Variants in CNTN1 observed in about 807,000 individuals in gnomAD.
The protein encoded by CNTN1 is contactin 1.
In CNTN1, 38 loss-of-function variants were observed where a neutral mutation model predicts 126.4. The observed-to-expected ratio is 0.30, with a 90% CI of 0.23 to 0.39. The LOEUF is 0.39. Among genes scored for constraint, CNTN1 ranks in the 10% least tolerant of loss-of-function variants. The probability of loss-of-function intolerance (pLI) is 1.00; values close to 1 mark genes in which losing one functional copy is unlikely to be tolerated. For missense variants in CNTN1, 1,009 were observed against 1,248.4 expected, an observed-to-expected ratio of 0.81 and a Z score of 2.89; for synonymous variants, 413 against 422.6, an observed-to-expected ratio of 0.98 and a Z score of 0.28.
intron 1 of CNTN1, among the ~76,000 whole-genome samples, chr12:40,758,028 T>G (rs115415612): frequency 0.015 from 2,303 of 151,826 alleles, 50 homozygotes; most frequent in African/African-American, 0.054. Context: ...CTCCCCTTCT[T>G]TTCTCTTTAA....
At chr12:40,826,895 G>A (rs1362063593) in intron 1 of CNTN1, among the ~76,000 whole-genome samples, 1 of 152,158 alleles carries the variant, frequency 6.6e-6, no homozygotes, top group Non-Finnish European at 1.5e-5. Context: ...GTGAGAGAGT[G>A]TATAAAAAGA....
At chr12:40,965,465 T>C (rs1448790087) in intron 15 of CNTN1, among the ~76,000 whole-genome samples, 2 of 152,210 alleles carry the variant, frequency 1.3e-5, no homozygotes, top group Non-Finnish European at 2.9e-5. Flanking sequence ...CTTTTACTAA[T>C]TTTTACTAAA....
chr12:40,735,322 C>A (rs1208127312), intron 1 of CNTN1, among the ~76,000 whole-genome samples: 2 of 152,036 alleles, frequency 1.3e-5, no homozygotes, highest in Non-Finnish European at 2.9e-5. Flanking sequence ...GAAGATTCCT[C>A]AAAATACACA....
At chr12:40,962,706 A>G (rs546438399) in intron 15 of CNTN1, among the ~76,000 whole-genome samples, 29 of 152,170 alleles carry the variant, frequency 1.9e-4, no homozygotes, top group Non-Finnish European at 4.0e-4. Flanking sequence ...TAGCACTTTA[A>G]TTTATTTACC....
intron 7 of CNTN1, among the ~76,000 whole-genome samples, chr12:40,931,183 T>C (rs1013747312): frequency 1.3e-5 from 2 of 152,012 alleles, no homozygotes; most frequent in African/African-American, 4.8e-5. Flanking sequence ...TATTCTCTTG[T>C]ATTCAATGCA....
At chr12:40,801,308 G>A (rs931040855) in intron 1 of CNTN1, among the ~76,000 whole-genome samples, 2 of 151,910 alleles carry the variant, frequency 1.3e-5, no homozygotes, top group Admixed American at 1.3e-4. Context: ...ACATCTATGT[G>A]CCTATCACAG....
At chr12:40,852,130 C>T (rs1363388091) in intron 1 of CNTN1, among the ~76,000 whole-genome samples, 1 of 152,080 alleles carries the variant, frequency 6.6e-6, no homozygotes, top group East Asian at 1.9e-4. Context: ...TAAGTTTCAG[C>T]ATTCAGCAGA....
intron 16 of CNTN1, among the ~76,000 whole-genome samples, chr12:40,986,800 C>A (rs73116954): frequency 6.6e-6 from 1 of 152,106 alleles, no homozygotes; most frequent in Admixed American, 6.6e-5. Context: ...TTCTTGAGTA[C>A]ACATGATGAA....
intron 1 of CNTN1, among the ~76,000 whole-genome samples, chr12:40,800,646 CA>C (rs1328983007): frequency 6.6e-6 from 1 of 151,962 alleles, no homozygotes; most frequent in South Asian, 2.1e-4. Flanking sequence ...ACCCTGGAAA[CA>C]AAAAGTTAGA....
At chr12:41,002,167 T>G (rs1198528910) in intron 17 of CNTN1, among the ~76,000 whole-genome samples, 39 of 152,244 alleles carry the variant, frequency 2.6e-4, no homozygotes, top group Non-Finnish European at 1.5e-5. Context: ...TTTCTAGTTC[T>G]GTGAAGAATC....
chr12:40,706,224 G>A (rs956852289), intron 1 of CNTN1, among the ~76,000 whole-genome samples: 32 of 151,512 alleles, frequency 2.1e-4, no homozygotes, highest in African/African-American at 7.0e-4. Flanking sequence ...CCATTAACTC[G>A]TCATTTACAT....
At chr12:40,794,029 A>T (rs761685882) in intron 1 of CNTN1, among the ~76,000 whole-genome samples, 6 of 152,188 alleles carry the variant, frequency 3.9e-5, no homozygotes, top group Admixed American at 1.3e-4. Context: ...AGTGTTCCAC[A>T]ATTCAAGGTT....
At chr12:40,843,974 A>AT (rs1195707566) in intron 1 of CNTN1, among the ~76,000 whole-genome samples, 2 of 151,410 alleles carry the variant, frequency 1.3e-5, no homozygotes, top group South Asian at 4.2e-4. Flanking sequence ...ACATAGATAT[A>AT]TTTGGATGAG....
intron 9 of CNTN1, among the ~76,000 whole-genome samples, chr12:40,935,559 A>G (rs1417771021): frequency 6.6e-6 from 1 of 152,122 alleles, no homozygotes; most frequent in Non-Finnish European, 1.5e-5. Flanking sequence ...TCAATTATTC[A>G]TTACATGATG....
intron 1 of CNTN1, among the ~76,000 whole-genome samples, chr12:40,709,662 C>T (rs1344933430): frequency 6.6e-6 from 1 of 152,222 alleles, no homozygotes; most frequent in Non-Finnish European, 1.5e-5. Context: ...TTCTGAATAA[C>T]TTGTTGCAGC....
chr12:40,711,675 T>C (rs944952125), intron 1 of CNTN1, among the ~76,000 whole-genome samples: 22 of 151,722 alleles, frequency 1.5e-4, no homozygotes, highest in Admixed American at 1.1e-3. Context: ...CTTTGTTTCT[T>C]CTCCTCCTCC....
chr12:40,923,956 A>G (rs1214064029), intron 5 of CNTN1, among the ~76,000 whole-genome samples: 6 of 152,168 alleles, frequency 3.9e-5, no homozygotes, highest in Non-Finnish European at 4.4e-5. Context: ...ACAAATGAAG[A>G]ACTGGAAGAA....
intron 1 of CNTN1, among the ~76,000 whole-genome samples, chr12:40,806,818 T>G (rs1940878124): frequency 6.6e-6 from 1 of 152,166 alleles, no homozygotes; most frequent in South Asian, 2.1e-4. Context: ...GTGCCCTGCT[T>G]TTCCTTGGAG....
intron 3 of CNTN1, among the ~76,000 whole-genome samples, chr12:40,911,346 C>T (rs530080530): frequency 1.3e-5 from 2 of 152,286 alleles, no homozygotes; most frequent in Non-Finnish European, 2.9e-5. Flanking sequence ...TCCCAAAGAG[C>T]TAGGATTACA....
Sources: gnomAD v4.1 joint callset for allele counts (sites outside exome capture counted in the v4.1 genomes callset) on GRCh38, gnomAD v4.1.1 for gene constraint, MANE v1.5 for transcripts, NCBI Gene and HGNC (gene_info 2026-07-23, HGNC 2026-07-21) for gene names.